CUX2: variants seen among roughly 807,000 people sequenced by gnomAD.
CUX2 encodes the protein cut like homeobox 2.
Under a neutral mutation model 144.8 loss-of-function variants are expected in CUX2, and 40 were observed. The observed-to-expected ratio is 0.28, with a 90% CI of 0.21 to 0.36. The LOEUF (loss-of-function observed/expected upper bound fraction) is 0.36. Ranked by LOEUF, CUX2 falls within the 10% of genes least tolerant of loss-of-function variation. The pLI, the probability that CUX2 is intolerant of heterozygous loss-of-function variation, is 1.00. For synonymous variants in CUX2, 827 were observed against 875.6 expected (o/e 0.94, Z 0.98); for missense variants, 1,615 against 1,994.0 (o/e 0.81, Z 3.62).
At chr12:111,181,600 C>T (rs941766802) in intron 1 of CUX2, among the ~76,000 whole-genome samples, 1 of 152,234 alleles carries the variant, frequency 6.6e-6, no homozygotes, top group Non-Finnish European at 1.5e-5. Context: ...CCCAGCACTG[C>T]CCGAGCCGGC....
chr12:111,052,388 A>G (rs1457454696), intron 1 of CUX2, among the ~76,000 whole-genome samples: 2 of 152,020 alleles, frequency 1.3e-5, no homozygotes, highest in African/African-American at 4.8e-5. Flanking sequence ...CCCAGAACTG[A>G]GCAGCAGAGG....
chr12:111,311,807 A>G (rs1426601055), intron 15 of CUX2, among the ~76,000 whole-genome samples: 1 of 152,096 alleles, frequency 6.6e-6, no homozygotes, highest in Admixed American at 6.5e-5. Flanking sequence ...CATGTTGGCC[A>G]GGATAGCCTC....
chr12:111,243,005 C>A (rs1701712256), intron 3 of CUX2, among the ~76,000 whole-genome samples: 1 of 152,166 alleles, frequency 6.6e-6, no homozygotes, highest in African/African-American at 2.4e-5. Context: ...TTTCCAGTTT[C>A]ATCCATGTCC....
intron 20 of CUX2, among the ~76,000 whole-genome samples, chr12:111,341,437 G>A (rs1224105079): frequency 6.6e-6 from 1 of 152,210 alleles, no homozygotes; most frequent in African/African-American, 2.4e-5. Context: ...CTCCAGGCTG[G>A]GTGACAGCGT....
intron 1 of CUX2, among the ~76,000 whole-genome samples, chr12:111,166,526 C>T (rs996986976): frequency 3.3e-5 from 5 of 152,248 alleles, no homozygotes; most frequent in African/African-American, 1.2e-4. Context: ...TCATTTAACC[C>T]ACCCAACAAC....
chr12:111,055,670 C>T (rs1870485057), intron 1 of CUX2, among the ~76,000 whole-genome samples: 1 of 152,222 alleles, frequency 6.6e-6, no homozygotes, highest in Non-Finnish European at 1.5e-5. Flanking sequence ...GAAGGCAGCC[C>T]CCCTTCCCCC....
Position 111,035,553 on chromosome 12 carries a change from C to T in CUX2, c.63+1313C>T, listed in dbSNP as rs1393425802. 1.3e-5 allele frequency among the ~76,000 whole-genome samples: 2 copies of T among 151,120 alleles called. No homozygotes were observed. Among genetic ancestry groups the T allele is most frequent in the African/African-American group, 4.9e-5 (2 of 41,150 alleles). ...TAACAGGGCGGTTAGAGCATCCTGC[C>T]TTGACCGTGACATTCGCGGAAGACG... On this transcript the variant is annotated intron_variant, in intron 1 of 21. Transcript: ENST00000261726. This position sits in a 1 kb window ranked among gnomAD's most constrained non-coding sequence, Gnocchi z 6.0.
chr12:111,158,682 A>C (rs993928747), intron 1 of CUX2, among the ~76,000 whole-genome samples: 1 of 152,150 alleles, frequency 6.6e-6, no homozygotes, highest in African/African-American at 2.4e-5. Flanking sequence ...ACAAAACAAA[A>C]AAATCCTTTA....
At chr12:111,173,867 C>G (rs994278399) in intron 1 of CUX2, among the ~76,000 whole-genome samples, 4 of 152,188 alleles carry the variant, frequency 2.6e-5, no homozygotes, top group African/African-American at 7.2e-5. Context: ...TGACACTGAT[C>G]CTGCTGGGCC....
chr12:111,139,090 T>C (rs1276296826), intron 1 of CUX2, among the ~76,000 whole-genome samples: 1 of 151,464 alleles, frequency 6.6e-6, no homozygotes, highest in Non-Finnish European at 1.5e-5. Flanking sequence ...TTGATCGCCA[T>C]GTGACCTCCA....
At chr12:111,205,683 A>G (rs1020791186) in intron 1 of CUX2, among the ~76,000 whole-genome samples, 2 of 152,194 alleles carry the variant, frequency 1.3e-5, no homozygotes, top group African/African-American at 4.8e-5. Context: ...TGACAACCCT[A>G]TGGGCACGAA....
At position 111,307,372 on chromosome 12, in the gene CUX2, C is replaced by A; in HGVS notation, c.1109+115C>A. 1.1e-6 allele frequency: 1 copy of A among 918,414 alleles called. No homozygotes were observed. 56.9% of individuals were successfully genotyped at this position (918,414 alleles called of 1,614,324 possible). On this transcript the variant is annotated intron_variant, in intron 12 of 21. Transcript: ENST00000261726. The surrounding 1 kb of genome is among the most constrained non-coding windows in gnomAD (Gnocchi z 4.1). ...TAAACCCCATTTGTTCTTCTCTCCACTAACACTGTGGATATCAAACCTTAA... is the reference window on the plus strand; with the variant it reads ...TAAACCCCATTTGTTCTTCTCTCCAATAACACTGTGGATATCAAACCTTAA...
At chr12:111,257,108 C>T (rs189277081) in intron 3 of CUX2, among the ~76,000 whole-genome samples, 11 of 152,228 alleles carry the variant, frequency 7.2e-5, no homozygotes, top group African/African-American at 2.6e-4. Context: ...CAGTGGGCTG[C>T]GTAAATGCCA....
chr12:111,087,366 CAAAAAAAAAAAAAAAAA>C (rs1159500448), intron 1 of CUX2, among the ~76,000 whole-genome samples: 50 of 45,056 alleles, frequency 1.1e-3, no homozygotes, highest in African/African-American at 2.8e-3. Context: ...GACTCCATCT[CAAAAAAAAAAAAAAAAA>C]AAAAAAAAAA....
chr12:111,316,607 G>A (rs1293130922), intron 16 of CUX2, among the ~76,000 whole-genome samples: 9 of 151,094 alleles, frequency 6.0e-5, no homozygotes, highest in Admixed American at 5.3e-4. Flanking sequence ...GTGCCACCAC[G>A]CCCAGCTAAT....
rs1885434086 is a variant in CUX2, at chr12:111,287,261, GC to G, written c.302-4156del. Among the ~76,000 whole-genome samples the G allele has an allele frequency of 6.6e-6, 1 of 152,230 alleles. No individual in the cohort carries two copies. The highest frequency in any genetic ancestry group is 1.5e-5 in the Non-Finnish European group (1 of 68,042). On this transcript the variant is annotated intron_variant, in intron 4 of 21. Coordinates refer to ENST00000261726, the MANE Select transcript of CUX2 (RefSeq NM_015267.4). This position sits in a 1 kb window ranked among gnomAD's most constrained non-coding sequence, Gnocchi z 4.2. ...CAAGTATAGTCGTTTGGCTCAATGG[GC>G]TCATGGCCAGCAGGGCCCCTGGGCC... is the stretch of plus-strand genomic sequence containing the variant.
At chr12:111,063,719 C>T (rs1870900104) in intron 1 of CUX2, among the ~76,000 whole-genome samples, 1 of 152,186 alleles carries the variant, frequency 6.6e-6, no homozygotes, top group Non-Finnish European at 1.5e-5. Flanking sequence ...TGGCGGCCGC[C>T]CCTGCATAGC....
chr12:111,088,518 G>A (rs1028513359), intron 1 of CUX2, among the ~76,000 whole-genome samples: 7 of 152,228 alleles, frequency 4.6e-5, no homozygotes, highest in Non-Finnish European at 1.0e-4. Flanking sequence ...GAATCCCTAC[G>A]ATGTGACGCA....
In CUX2 at chr12:111,295,275, G is replaced by T; in HGVS notation, c.561-58G>T. ...GGAAGCAAGATGGGGCTCGACTCGGGGGCCCCAGGCAAGGCCTGTCCCTGC... is the reference window on the plus strand; with the variant it reads ...GGAAGCAAGATGGGGCTCGACTCGGTGGCCCCAGGCAAGGCCTGTCCCTGC... On this transcript the variant is annotated intron_variant, in intron 6 of 21. Coordinates refer to ENST00000261726, the MANE Select transcript of CUX2 (RefSeq NM_015267.4). The surrounding 1 kb of genome is among the most constrained non-coding windows in gnomAD (Gnocchi z 5.0). 2 of 1,566,706 alleles carry T rather than the reference G, an allele frequency of 1.3e-6. No homozygotes were observed. The highest frequency in any genetic ancestry group is 1.7e-6 in the Non-Finnish European group (2 of 1,151,230).
Sources: gnomAD v4.1 joint callset for allele counts (sites outside exome capture counted in the v4.1 genomes callset) on GRCh38, gnomAD v4.1.1 for gene constraint, Gnocchi (gnomAD v3.1) non-coding constraint, MANE v1.5 for transcripts, NCBI Gene and HGNC (gene_info 2026-07-23, HGNC 2026-07-21) for gene names.